AKAP19: variants seen among roughly 807,000 people sequenced by gnomAD.
AKAP19 encodes the protein A-kinase anchoring protein 19.
the AKAP19 span, among the ~76,000 whole-genome samples, chr2:190,037,354 A>T: frequency 2.0e-5 from 3 of 152,246 alleles, no homozygotes; most frequent in Non-Finnish European, 4.4e-5. Flanking sequence ...GTTATTATAA[A>T]TCTTATATTA....
At chr2:189,964,397 G>A in the AKAP19 span, among the ~76,000 whole-genome samples, 1 of 152,132 alleles carries the variant, frequency 6.6e-6, no homozygotes, top group East Asian at 1.9e-4. Context: ...AATGGTAAAC[G>A]AGCATTGGCT....
the AKAP19 span, among the ~76,000 whole-genome samples, chr2:189,971,833 A>ATT: frequency 5.9e-4 from 88 of 148,748 alleles, no homozygotes; most frequent in South Asian, 1.1e-3. Context: ...GGGTTGTTTG[A>ATT]TTTTTTTTTT....
At chr2:189,946,628 A>C in the AKAP19 span, among the ~76,000 whole-genome samples, 1 of 152,178 alleles carries the variant, frequency 6.6e-6, no homozygotes, top group Non-Finnish European at 1.5e-5. Flanking sequence ...TTTAGTCCCC[A>C]AATTCTGAAA....
At chr2:190,183,142 C>T in the AKAP19 span, among the ~76,000 whole-genome samples, 6 of 152,180 alleles carry the variant, frequency 3.9e-5, no homozygotes, top group Non-Finnish European at 5.9e-5. Context: ...GTTTTGGAGT[C>T]TGGCCCTGAT....
At chr2:190,115,886 G>C in the AKAP19 span, among the ~76,000 whole-genome samples, 2 of 152,176 alleles carry the variant, frequency 1.3e-5, no homozygotes, top group Non-Finnish European at 2.9e-5. Context: ...ACGCCCAGTT[G>C]ATACTCTTGC....
the AKAP19 span, among the ~76,000 whole-genome samples, chr2:190,188,635 T>C: frequency 6.6e-6 from 1 of 152,380 alleles, no homozygotes; most frequent in East Asian, 1.9e-4. Flanking sequence ...TGATTGAAAT[T>C]ATACGAAGTT....
At chr2:189,932,594 A>G in the AKAP19 span, among the ~76,000 whole-genome samples, 3 of 151,350 alleles carry the variant, frequency 2.0e-5, no homozygotes, top group African/African-American at 7.3e-5. Flanking sequence ...AGTCCCAGCC[A>G]CTCAGGAGGC....
At chr2:190,047,580 C>T in the AKAP19 span, among the ~76,000 whole-genome samples, 1 of 152,192 alleles carries the variant, frequency 6.6e-6, no homozygotes, top group Non-Finnish European at 1.5e-5. Flanking sequence ...ATGATTTATT[C>T]CTCTCCCCTT....
chr2:190,017,415 A>T, the AKAP19 span, among the ~76,000 whole-genome samples: 1 of 151,598 alleles, frequency 6.6e-6, no homozygotes, highest in African/African-American at 2.4e-5. Context: ...TTTTCTATTT[A>T]TTTTTTCTGT....
chr2:190,153,547 G>A, the AKAP19 span, among the ~76,000 whole-genome samples: 3 of 152,032 alleles, frequency 2.0e-5, no homozygotes, highest in Non-Finnish European at 2.9e-5. Context: ...GATAAAATAT[G>A]TATAATAGTA....
the AKAP19 span, among the ~76,000 whole-genome samples, chr2:190,081,125 G>A: frequency 1.3e-5 from 2 of 152,246 alleles, no homozygotes; most frequent in East Asian, 3.9e-4. Flanking sequence ...TCTTTTGGTG[G>A]AGGAGATTTG....
chr2:189,942,446 C>A, the AKAP19 span, among the ~76,000 whole-genome samples: 1 of 152,242 alleles, frequency 6.6e-6, no homozygotes, highest in Non-Finnish European at 1.5e-5. Context: ...TATAAATTAC[C>A]CAGTCTCAGC....
the AKAP19 span, among the ~76,000 whole-genome samples, chr2:190,112,056 C>T: frequency 6.6e-6 from 1 of 152,042 alleles, no homozygotes; most frequent in Non-Finnish European, 1.5e-5. Context: ...TGCCACCACA[C>T]CCAGCTGATT....
the AKAP19 span, among the ~76,000 whole-genome samples, chr2:189,891,169 T>C: frequency 2.6e-5 from 4 of 151,976 alleles, no homozygotes; most frequent in African/African-American, 9.7e-5. Flanking sequence ...CCTTCACTTA[T>C]GAAGCTTAGT....
At chr2:190,199,458 T>A in the AKAP19 span, among the ~76,000 whole-genome samples, 3 of 149,346 alleles carry the variant, frequency 2.0e-5, no homozygotes, top group Admixed American at 6.6e-5. Flanking sequence ...CTAGCAAAAA[T>A]TGAATTGTTT....
the AKAP19 span, among the ~76,000 whole-genome samples, chr2:190,039,369 G>A: frequency 6.6e-6 from 1 of 152,096 alleles, no homozygotes; most frequent in Non-Finnish European, 1.5e-5. Flanking sequence ...GTGAGCCACT[G>A]CGCCCAGCCT....
chr2:190,107,672 G>A, the AKAP19 span, among the ~76,000 whole-genome samples: 4 of 151,974 alleles, frequency 2.6e-5, no homozygotes, highest in Non-Finnish European at 4.4e-5. Context: ...GTCAGGCGTG[G>A]GTATCTCAAG....
the AKAP19 span, among the ~76,000 whole-genome samples, chr2:190,182,791 T>G: frequency 6.6e-6 from 1 of 152,230 alleles, no homozygotes; most frequent in African/African-American, 2.4e-5. Context: ...CCATACCCCG[T>G]GTGCTTTGCT....
At chr2:189,974,811 T>G in the AKAP19 span, among the ~76,000 whole-genome samples, 1 of 152,200 alleles carries the variant, frequency 6.6e-6, no homozygotes, top group African/African-American at 2.4e-5. Context: ...ACCCCTGCCT[T>G]TTTTTGTTTT....
Sources: gnomAD v4.1 joint callset for allele counts (sites outside exome capture counted in the v4.1 genomes callset) on GRCh38, gnomAD v4.1.1 for gene constraint, MANE v1.5 for transcripts, NCBI Gene and HGNC (gene_info 2026-07-23, HGNC 2026-07-21) for gene names.